The following RAPGEF4 variants were observed in gnomAD, a reference collection of about 807,000 sequenced individuals.
RAPGEF4 encodes Rap guanine nucleotide exchange factor 4.
RAPGEF4 carries 66 observed loss-of-function variants against 147.9 expected under a neutral mutation model. The ratio of observed to expected loss-of-function variants is 0.45; its 90% CI spans 0.37 to 0.55. The LOEUF (loss-of-function observed/expected upper bound fraction) is 0.55, where lower values mean the gene tolerates loss of function less well. Ranked by LOEUF, RAPGEF4 falls within the 20% of genes least tolerant of loss-of-function variation. RAPGEF4 has a pLI of 0.00. For missense variants in RAPGEF4, 1,071 were observed against 1,257.3 expected (o/e 0.85, Z 2.24); for synonymous variants, 419 against 442.7 (o/e 0.95, Z 0.67).
chr2:172,786,483 A>G (rs1455144971), intron 1 of RAPGEF4, among the ~76,000 whole-genome samples: 1 of 152,228 alleles, frequency 6.6e-6, no homozygotes, highest in Non-Finnish European at 1.5e-5. Context: ...ATGAGCATTC[A>G]TGAAAGGATG....
At chr2:172,757,625 C>T (rs960243206) in intron 1 of RAPGEF4, among the ~76,000 whole-genome samples, 2 of 152,164 alleles carry the variant, frequency 1.3e-5, no homozygotes, top group African/African-American at 4.8e-5. Context: ...AATACAAGTG[C>T]ATGTATTTGC....
At chr2:172,796,886 A>T (rs974135628) in intron 2 of RAPGEF4, among the ~76,000 whole-genome samples, 7 of 152,170 alleles carry the variant, frequency 4.6e-5, no homozygotes, top group African/African-American at 1.7e-4. Flanking sequence ...TTTGCATGAG[A>T]TTTTTGAACC....
At chr2:173,048,933 G>A (rs1315118183) in intron 30 of RAPGEF4, among the ~76,000 whole-genome samples, 3 of 152,142 alleles carry the variant, frequency 2.0e-5, no homozygotes, top group Non-Finnish European at 4.4e-5. Flanking sequence ...CAGTGCAGCT[G>A]GAGACAACTA....
chr2:172,928,530 G>A (rs923580170), intron 6 of RAPGEF4, among the ~76,000 whole-genome samples: 2 of 152,186 alleles, frequency 1.3e-5, no homozygotes, highest in Non-Finnish European at 2.9e-5. Context: ...TTGGTGAAAG[G>A]AGATGTATTG....
Position 172,988,821 on chromosome 2 carries a change from T to C in RAPGEF4, c.1356T>C (p.Asp452=). 6.2e-7 allele frequency: 1 copy of C among 1,613,962 alleles called. No homozygotes were observed. The highest frequency in any genetic ancestry group is 8.5e-7 in the Non-Finnish European group (1 of 1,179,958). ...ATTTCTTAAGAGTAGACAAGGAGGA[T>C]TTCAACCGGATCCTAAGGGTGAGTC... ...NCHFLRVDKE[D]FNRILRDVEA... The change falls in exon 14 of 31, where the codon GAT becomes GAC. Residue 452 remains aspartate (D), a synonymous_variant. Coordinates refer to ENST00000397081, the MANE Select transcript of RAPGEF4 (RefSeq NM_007023.4).
At chr2:172,785,435 C>G (rs6433381) in intron 1 of RAPGEF4, among the ~76,000 whole-genome samples, 148,128 of 152,270 alleles carry the variant, frequency 0.97, 72,185 homozygotes, top group East Asian at 1. Flanking sequence ...ACTAGAAATA[C>G]CTTCTGTAGC....
intron 5 of RAPGEF4, among the ~76,000 whole-genome samples, chr2:172,919,785 C>G (rs1178456519): frequency 1.3e-5 from 2 of 152,146 alleles, no homozygotes; most frequent in Non-Finnish European, 2.9e-5. Flanking sequence ...GCAAAACCAG[C>G]CCCTCCTCTG....
At chr2:172,987,100 T>C (rs1345214815) in intron 12 of RAPGEF4, among the ~76,000 whole-genome samples, 1 of 152,004 alleles carries the variant, frequency 6.6e-6, no homozygotes, top group Admixed American at 6.5e-5. Context: ...ATTCCTTGAG[T>C]CCAGGAGTTC....
At chr2:172,872,575 G>A (rs1181413146) in intron 4 of RAPGEF4, among the ~76,000 whole-genome samples, 6 of 152,092 alleles carry the variant, frequency 3.9e-5, no homozygotes, top group Non-Finnish European at 7.4e-5. Context: ...GATCATGGGG[G>A]CGGATTTCTC....
chr2:172,960,143 G>A (rs1159766987), intron 6 of RAPGEF4, among the ~76,000 whole-genome samples: 1 of 152,128 alleles, frequency 6.6e-6, no homozygotes, highest in East Asian at 1.9e-4. Context: ...AGAGCCTAGA[G>A]CTGATCTGAC....
intron 15 of RAPGEF4, among the ~76,000 whole-genome samples, chr2:172,991,866 A>G (rs977152052): frequency 6.6e-6 from 1 of 152,242 alleles, no homozygotes; most frequent in Non-Finnish European, 1.5e-5. Flanking sequence ...GTGAATCAAC[A>G]TATTTGCAAA....
chr2:173,014,625 G>T lies in RAPGEF4; in HGVS notation c.1809+11G>T, dbSNP rs370223178. The stretch of plus-strand genomic sequence containing the variant: ...ATGGCCTTCCTGGAGGTAGGCAGGG[G>T]TCATCTCTTCCAAGAATATACTGTT... On this transcript the variant is annotated intron_variant, in intron 18 of 30. Transcript: ENST00000397081. 6 of 1,611,018 alleles carry T rather than the reference G, an allele frequency of 3.7e-6. No individual in the cohort carries two copies. In the Admixed American group the frequency reaches 1.0e-4, roughly 27 times the overall value.
chr2:172,818,859 C>G (rs995890943), intron 4 of RAPGEF4, among the ~76,000 whole-genome samples: 9 of 152,138 alleles, frequency 5.9e-5, no homozygotes, highest in Admixed American at 5.9e-4. Flanking sequence ...CAGGTATGCC[C>G]TCAGAGAACC....
intron 6 of RAPGEF4, among the ~76,000 whole-genome samples, chr2:172,940,305 T>G (rs574226180): frequency 1.3e-5 from 2 of 152,136 alleles, no homozygotes; most frequent in Non-Finnish European, 2.9e-5. Context: ...CTATTTGATA[T>G]AGTTTGGATG....
chr2:173,036,783 G>A (rs1214955823), intron 29 of RAPGEF4, 91 bp downstream of exon 29: 2 of 873,520 alleles, frequency 2.3e-6, no homozygotes, highest in Non-Finnish European at 3.6e-6. Flanking sequence ...CATATATGCT[G>A]CCCTGCTAAA....
intron 4 of RAPGEF4, among the ~76,000 whole-genome samples, chr2:172,887,240 T>C (rs1234603830): frequency 6.6e-6 from 1 of 150,958 alleles, no homozygotes; most frequent in African/African-American, 2.4e-5. Context: ...AATCAGGGTA[T>C]AGTGAAGTAA....
chr2:172,988,072 T>A, intron 12 of RAPGEF4, 124 bp from the exon 13 acceptor site: 1 of 1,348,844 alleles, frequency 7.4e-7, no homozygotes, highest in Non-Finnish European at 9.6e-7. Context: ...TATTTGCCAG[T>A]GATGTTTCTC....
intron 29 of RAPGEF4, among the ~76,000 whole-genome samples, chr2:173,046,489 C>T (rs551125117): frequency 6.6e-6 from 1 of 152,204 alleles, no homozygotes; most frequent in South Asian, 2.1e-4. Flanking sequence ...GCAGCATTTC[C>T]CAGGGTTTTC....
intron 10 of RAPGEF4, among the ~76,000 whole-genome samples, chr2:172,972,089 G>T (rs1228555122): frequency 6.6e-6 from 1 of 151,866 alleles, no homozygotes; most frequent in Non-Finnish European, 1.5e-5. Context: ...AATACTGTGG[G>T]CGGGGGTGGG....
Sources: allele counts gnomAD v4.1 joint callset (sites outside exome capture counted in the v4.1 genomes callset), GRCh38; gene constraint gnomAD v4.1.1; transcripts MANE v1.5; gene names NCBI Gene and HGNC (gene_info 2026-07-23, HGNC 2026-07-21).